PPARGC1A: variants seen among roughly 807,000 people sequenced by gnomAD.
PPARGC1A encodes the protein peroxisome proliferator-activated receptor gamma coactivator 1-alpha.
In PPARGC1A, 25 loss-of-function variants were observed where a neutral mutation model predicts 88.7. The ratio of observed to expected loss-of-function variants is 0.28; its 90% CI spans 0.21 to 0.39. The LOEUF (loss-of-function observed/expected upper bound fraction) is 0.39, where lower values mean the gene tolerates loss of function less well. Among genes scored for constraint, PPARGC1A ranks in the 10% least tolerant of loss-of-function variants. The pLI is 1.00. For missense variants in PPARGC1A, 880 were observed against 968.7 expected (o/e 0.91, Z 1.22); for synonymous variants, 363 against 355.6 (o/e 1.02, Z -0.24).
the PPARGC1A span, among the ~76,000 whole-genome samples, chr4:24,023,174 T>C: frequency 6.6e-6 from 1 of 152,196 alleles, no homozygotes; most frequent in Non-Finnish European, 1.5e-5. Context: ...ACTCCTTTCG[T>C]ATTTAAGAGT....
the PPARGC1A span, among the ~76,000 whole-genome samples, chr4:23,925,779 A>G: frequency 1.3e-5 from 2 of 152,178 alleles, no homozygotes; most frequent in East Asian, 3.9e-4. Context: ...TACAGACAAA[A>G]GGGGAAAAAA....
intron 2 of PPARGC1A, among the ~76,000 whole-genome samples, chr4:23,869,806 C>T (rs1020012247): frequency 4.6e-5 from 7 of 151,868 alleles, no homozygotes; most frequent in African/African-American, 1.2e-4. Flanking sequence ...ATACGGAAAG[C>T]CATGAAGGAG....
At chr4:24,240,067 T>C in the PPARGC1A span, among the ~76,000 whole-genome samples, 8 of 152,292 alleles carry the variant, frequency 5.3e-5, no homozygotes, top group Admixed American at 2.6e-4. Context: ...AAAAATGCTT[T>C]GTATAAATGG....
chr4:24,108,581 A>C, the PPARGC1A span, among the ~76,000 whole-genome samples: 1 of 152,158 alleles, frequency 6.6e-6, no homozygotes, highest in Non-Finnish European at 1.5e-5. Context: ...TGGACCACGC[A>C]TTGAATTCAC....
chr4:23,875,213 ACAT>A (rs1285948079), intron 2 of PPARGC1A, among the ~76,000 whole-genome samples: 9 of 152,198 alleles, frequency 5.9e-5, no homozygotes, highest in Admixed American at 1.3e-4. Flanking sequence ...GAATTAAGAA[ACAT>A]CAGTCCAAAA....
At chr4:24,127,202 A>G in the PPARGC1A span, among the ~76,000 whole-genome samples, 8 of 152,064 alleles carry the variant, frequency 5.3e-5, no homozygotes, top group Non-Finnish European at 1.0e-4. Flanking sequence ...TCCCCCTTTG[A>G]AAAATGATTA....
At chr4:23,880,312 G>A (rs1715669037) in intron 2 of PPARGC1A, among the ~76,000 whole-genome samples, 1 of 152,144 alleles carries the variant, frequency 6.6e-6, no homozygotes, top group South Asian at 2.1e-4. Flanking sequence ...TAGGACACAG[G>A]CCTTCTTTTG....
At chr4:24,372,325 C>T in the PPARGC1A span, among the ~76,000 whole-genome samples, 3 of 152,302 alleles carry the variant, frequency 2.0e-5, no homozygotes, top group South Asian at 2.1e-4. Flanking sequence ...TTTATAAAAA[C>T]GCCCACACCA....
At chr4:23,830,359 C>T (rs1024024912) in intron 3 of PPARGC1A, among the ~76,000 whole-genome samples, 30 of 152,278 alleles carry the variant, frequency 2.0e-4, no homozygotes, top group African/African-American at 6.7e-4. Context: ...CTGGATGACC[C>T]TCAAGGACTT....
chr4:24,237,323 A>G, the PPARGC1A span, among the ~76,000 whole-genome samples: 1 of 151,796 alleles, frequency 6.6e-6, no homozygotes, highest in African/African-American at 2.4e-5. Flanking sequence ...ATGCTGCTTG[A>G]CAGGAAAAGA....
chr4:24,347,146 A>G, the PPARGC1A span, among the ~76,000 whole-genome samples: 1 of 151,886 alleles, frequency 6.6e-6, no homozygotes, highest in Non-Finnish European at 1.5e-5. Flanking sequence ...TATAATTTCA[A>G]TTTTCTTAAA....
At chr4:23,900,463 C>T (rs562496707), upstream of PPARGC1A, among the ~76,000 whole-genome samples, 1 of 152,168 alleles carries the variant, frequency 6.6e-6, no homozygotes, top group East Asian at 1.9e-4. Context: ...AATATAAATG[C>T]CTATTTTACA....
the PPARGC1A span, among the ~76,000 whole-genome samples, chr4:24,020,596 T>A: frequency 6.6e-6 from 1 of 152,156 alleles, no homozygotes; most frequent in African/African-American, 2.4e-5. Context: ...GGAGATGGGC[T>A]CCCCTTATCT....
chr4:24,220,761 A>G, the PPARGC1A span, among the ~76,000 whole-genome samples: 1 of 152,212 alleles, frequency 6.6e-6, no homozygotes, highest in Admixed American at 6.5e-5. Context: ...AAAACTACCT[A>G]TTGGATATTA....
chr4:24,110,253 CA>C, the PPARGC1A span, among the ~76,000 whole-genome samples: 1 of 152,142 alleles, frequency 6.6e-6, no homozygotes, highest in South Asian at 2.1e-4. Flanking sequence ...GGAGATAACC[CA>C]AATGTAGTTT....
At chr4:24,212,476 G>A in the PPARGC1A span, among the ~76,000 whole-genome samples, 1 of 152,172 alleles carries the variant, frequency 6.6e-6, no homozygotes, top group African/African-American at 2.4e-5. Context: ...CTTGTAAAAT[G>A]CAGATAATTT....
the PPARGC1A span, among the ~76,000 whole-genome samples, chr4:24,253,241 T>C: frequency 6.7e-6 from 1 of 149,718 alleles, no homozygotes; most frequent in Non-Finnish European, 1.5e-5. Context: ...GAAAAACAAA[T>C]TTAAGCAAAG....
At chr4:23,970,526 T>C in the PPARGC1A span, among the ~76,000 whole-genome samples, 2 of 152,210 alleles carry the variant, frequency 1.3e-5, no homozygotes, top group African/African-American at 4.8e-5. Flanking sequence ...GGCACTGTAA[T>C]GCGTGGTTAC....
chr4:24,188,433 G>A, the PPARGC1A span, among the ~76,000 whole-genome samples: 1 of 152,114 alleles, frequency 6.6e-6, no homozygotes, highest in Non-Finnish European at 1.5e-5. Flanking sequence ...GGCACATTAT[G>A]AATGTATGTA....
Sources: allele counts gnomAD v4.1 joint callset (sites outside exome capture counted in the v4.1 genomes callset), GRCh38; gene constraint gnomAD v4.1.1; transcripts MANE v1.5; gene names NCBI Gene and HGNC (gene_info 2026-07-23, HGNC 2026-07-21).